The following NCAM2 variants were observed in gnomAD, a reference collection of about 807,000 sequenced individuals.
NCAM2 encodes neural cell adhesion molecule 2, also known as N-CAM-2.
A neutral mutation model predicts 98.1 loss-of-function variants in NCAM2; 30 were observed. The observed-to-expected ratio is 0.31, with a 90% CI of 0.23 to 0.41. NCAM2 has a LOEUF of 0.41. NCAM2 is among the 10% of genes least tolerant of loss of function. NCAM2 has a pLI of 1.00. For missense variants in NCAM2, 867 were observed against 1,005.8 expected, an observed-to-expected ratio of 0.86 and a Z score of 1.87; for synonymous variants, 368 against 342.4, an observed-to-expected ratio of 1.07 and a Z score of -0.83.
At chr21:21,129,023 T>C (rs572046984) in intron 1 of NCAM2, among the ~76,000 whole-genome samples, 39 of 151,044 alleles carry the variant, frequency 2.6e-4, no homozygotes, top group Non-Finnish European at 5.0e-4. Context: ...CAACAAATAT[T>C]ATCAAATTTT....
chr21:21,331,517 C>CTCTCTCTCTCTATATATATATA (rs1483062198), intron 6 of NCAM2, among the ~76,000 whole-genome samples: 5 of 6,938 alleles, frequency 7.2e-4, no homozygotes, highest in Admixed American at 3.6e-3. Flanking sequence ...CTCTCTCTCT[C>CTCTCTCTCTCTATATATATATA]TATATATATA....
At chr21:21,125,423 T>TGTAATATATAATATATTA (rs1555887581) in intron 1 of NCAM2, among the ~76,000 whole-genome samples, 24 of 5,742 alleles carry the variant, frequency 4.2e-3, no homozygotes, top group South Asian at 0.037. Flanking sequence ...TTACATATAT[T>TGTAATATATAATATATTA]CATACATATG....
chr21:21,463,459 G>T (rs1442031038), intron 12 of NCAM2, among the ~76,000 whole-genome samples: 3 of 152,058 alleles, frequency 2.0e-5, no homozygotes, highest in African/African-American at 7.2e-5. Context: ...ACATCAGTAG[G>T]TTTATTTTAT....
At chr21:21,524,038 C>CCACA (rs35446366) in intron 16 of NCAM2, among the ~76,000 whole-genome samples, 33 of 148,592 alleles carry the variant, frequency 2.2e-4, no homozygotes, top group East Asian at 6.0e-4. Context: ...CAGATATTGT[C>CCACA]CACACACACA....
chr21:21,469,074 C>T (rs1984092780), intron 14 of NCAM2, among the ~76,000 whole-genome samples: 2 of 152,024 alleles, frequency 1.3e-5, no homozygotes, highest in South Asian at 4.1e-4. Context: ...GTTTTGCTGA[C>T]AAGCTTCTCA....
intron 16 of NCAM2, among the ~76,000 whole-genome samples, chr21:21,519,388 A>G (rs1289812736): frequency 6.6e-6 from 1 of 152,110 alleles, no homozygotes; most frequent in Admixed American, 6.6e-5. Context: ...AGGCAGTGGT[A>G]TTACACTTAT....
Position 21,031,214 on chromosome 21 carries a change from T to A in NCAM2, c.55+32596T>A, listed in dbSNP as rs548911391. Among the ~76,000 whole-genome samples the A allele has an allele frequency of 3.9e-5, 6 of 152,342 alleles. No homozygotes were observed. In the East Asian group the frequency reaches 1.2e-3, roughly 29 times the overall value. ...AAGCTAACATGCATTGTTTTACTGT[T>A]TATGTTTTGGCCATTTTAAATTTCA... On this transcript the variant is annotated intron_variant, in intron 1 of 17. Transcript: ENST00000400546.
chr21:21,265,021 ATGTGTC>A (rs1329917845), intron 1 of NCAM2, among the ~76,000 whole-genome samples: 1 of 125,304 alleles, frequency 8.0e-6, no homozygotes, highest in African/African-American at 2.8e-5. Flanking sequence ...TATATTATAT[ATGTGTC>A]TGTGTATATA....
chr21:21,069,775 C>T (rs1357019928), intron 1 of NCAM2, among the ~76,000 whole-genome samples: 1 of 152,096 alleles, frequency 6.6e-6, no homozygotes, highest in Non-Finnish European at 1.5e-5. Flanking sequence ...CTGAATTTTA[C>T]GTTTCTTATT....
intron 15 of NCAM2, 144 bp downstream of exon 15, chr21:21,477,615 A>G: frequency 1.4e-6 from 1 of 695,140 alleles, no homozygotes; most frequent in Non-Finnish European, 2.2e-6. Context: ...CATATCATAC[A>G]CAAAGTTTCT....
chr21:21,324,517 C>T lies in NCAM2; in HGVS notation c.737+17C>T, dbSNP rs232467. ...CTGGTTCAGGTAGGTTATGCACCCCCCTCCCTCTGGCTTGTGTCCATTATC... is the reference window on the plus strand; with the variant it reads ...CTGGTTCAGGTAGGTTATGCACCCCTCTCCCTCTGGCTTGTGTCCATTATC... On this transcript the variant is annotated intron_variant, in intron 6 of 17. Coordinates refer to ENST00000400546, the MANE Select transcript of NCAM2 (RefSeq NM_004540.5). The T allele has an allele frequency of 1.4e-5, 22 of 1,529,620 alleles. No individual in the cohort carries two copies. The South Asian group carries it at 2.4e-4, about 16-fold the overall frequency. The allele number at this position is 1,529,620 out of a possible 1,614,324, so 94.8% of individuals were successfully genotyped here. A position where few individuals can be genotyped will look rare whatever the true frequency, so the allele number is the denominator to read the frequency against.
intron 14 of NCAM2, among the ~76,000 whole-genome samples, chr21:21,474,658 A>G (rs1478117557): frequency 2.6e-5 from 4 of 152,134 alleles, no homozygotes; most frequent in Admixed American, 6.5e-5. Context: ...CATAGAAAGT[A>G]CTGAATAGCT....
chr21:21,220,632 A>G (rs543816126), intron 1 of NCAM2, among the ~76,000 whole-genome samples: 40 of 152,204 alleles, frequency 2.6e-4, no homozygotes, highest in African/African-American at 9.4e-4. Context: ...CATCCCTTTC[A>G]TGTATTATAC....
chr21:21,372,376 T>A (rs1299734780), intron 8 of NCAM2, among the ~76,000 whole-genome samples: 3 of 151,784 alleles, frequency 2.0e-5, no homozygotes, highest in Non-Finnish European at 4.4e-5. Flanking sequence ...AAGGATGGAA[T>A]AATAATGTAC....
At chr21:21,293,485 A>G (rs1372904062) in intron 5 of NCAM2, among the ~76,000 whole-genome samples, 1 of 151,748 alleles carries the variant, frequency 6.6e-6, no homozygotes, top group Non-Finnish European at 1.5e-5. Flanking sequence ...CTGCCATTAG[A>G]TGTCAGTCAT....
chr21:21,213,846 C>T (rs556758130), intron 1 of NCAM2, among the ~76,000 whole-genome samples: 1 of 152,260 alleles, frequency 6.6e-6, no homozygotes, highest in East Asian at 1.9e-4. Flanking sequence ...CTAATGTAAA[C>T]ATACACATAG....
rs537660147 is a variant in NCAM2, at chr21:21,072,101, A to G, written c.55+73483A>G. On this transcript the variant is annotated intron_variant, in intron 1 of 17. Coordinates refer to ENST00000400546, the MANE Select transcript of NCAM2 (RefSeq NM_004540.5). ...CTAATTTTTTGTATTTTTAGTAGAGATGGGAGTTCACCGTGTTAGCCAGGA... is the reference window on the plus strand; with the variant it reads ...CTAATTTTTTGTATTTTTAGTAGAGGTGGGAGTTCACCGTGTTAGCCAGGA... Among the ~76,000 whole-genome samples the G allele has an allele frequency of 3.3e-5, 5 of 152,110 alleles. No individual in the cohort carries two copies. In the South Asian group the frequency reaches 8.3e-4, roughly 25 times the overall value.
intron 1 of NCAM2, among the ~76,000 whole-genome samples, chr21:21,101,689 A>C (rs2066244310): frequency 1.3e-5 from 2 of 152,104 alleles, no homozygotes; most frequent in Non-Finnish European, 1.5e-5. Context: ...ATTTCTCAAA[A>C]AGGTCACAGT....
rs533537641 is a variant in NCAM2 at position 21,530,784 on chromosome 21, T to C, written c.2283-3753T>C. On this transcript the variant is annotated intron_variant, in intron 16 of 17. Transcript: ENST00000400546. ...GAAGAAACTTTCAATATTTTTATAA[T>C]GGACTGTTCTGTTTTGAATATCCAT... is the stretch of plus-strand genomic sequence containing the variant. Among the ~76,000 whole-genome samples, 797 of 152,096 alleles carry C rather than the reference T, an allele frequency of 5.2e-3. 4 individuals are homozygous for C. The highest frequency in any genetic ancestry group is 8.9e-3 in the Non-Finnish European group (601 of 67,906).
Sources: allele counts gnomAD v4.1 joint callset (sites outside exome capture counted in the v4.1 genomes callset), GRCh38; gene constraint gnomAD v4.1.1; transcripts MANE v1.5; gene names NCBI Gene and HGNC (gene_info 2026-07-23, HGNC 2026-07-21).